FNIP1: variants seen among roughly 807,000 people sequenced by gnomAD.
FNIP1 encodes the protein folliculin-interacting protein 1.
FNIP1 carries 40 observed loss-of-function variants against 124.5 expected under a neutral mutation model. The observed-to-expected ratio is 0.32, with a 90% CI of 0.25 to 0.42. The LOEUF (loss-of-function observed/expected upper bound fraction) is 0.42, where lower values mean the gene tolerates loss of function less well. FNIP1 is among the 10% of genes least tolerant of loss of function. FNIP1 has a pLI of 1.00. For synonymous variants in FNIP1, 472 were observed against 470.6 expected (o/e 1.00, Z -0.04); for missense variants, 1,176 against 1,403.7 (o/e 0.84, Z 2.59).
At position 131,649,965 on chromosome 5, in the gene FNIP1, T is replaced by G. The variant is rs560313683; in HGVS notation, c.3306+1837A>C. 1.1e-4 allele frequency among the ~76,000 whole-genome samples: 17 copies of G among 152,342 alleles called. No homozygotes were observed. In the South Asian group the frequency reaches 3.5e-3, roughly 32 times the overall value. ...GTTAACTTTTAGGATCTCCATTCTA[T>G]TCCATTGGTCTATATACCTGTCCTT... On this transcript the variant is annotated intron_variant, in intron 16 of 17. Transcript: ENST00000510461.
chr5:131,683,749 T>A (rs1405603983), intron 11 of FNIP1, among the ~76,000 whole-genome samples: 3 of 152,182 alleles, frequency 2.0e-5, no homozygotes, highest in Non-Finnish European at 4.4e-5. Context: ...CCCACAGATA[T>A]AAAGGTCTGA....
At chr5:131,790,470 A>C (rs1772370001) in intron 1 of FNIP1, among the ~76,000 whole-genome samples, 1 of 86,462 alleles carries the variant, frequency 1.2e-5, no homozygotes, top group African/African-American at 4.6e-5. Flanking sequence ...TAGAGCAAGA[A>C]CCTGTCTCAA....
At chr5:131,749,723 G>A (rs1018599887) in intron 1 of FNIP1, among the ~76,000 whole-genome samples, 1 of 151,906 alleles carries the variant, frequency 6.6e-6, no homozygotes, top group African/African-American at 2.4e-5. Flanking sequence ...TATTTTTGCT[G>A]TACCTTTTCT....
intron 1 of FNIP1, among the ~76,000 whole-genome samples, chr5:131,770,725 A>G (rs1042167398): frequency 2.0e-5 from 3 of 152,196 alleles, no homozygotes; most frequent in Admixed American, 6.5e-5. Flanking sequence ...GACTACCTCT[A>G]AGATTGGTAT....
At chr5:131,659,199 G>T (rs995579689) in intron 15 of FNIP1, among the ~76,000 whole-genome samples, 1 of 152,134 alleles carries the variant, frequency 6.6e-6, no homozygotes, top group Non-Finnish European at 1.5e-5. Context: ...GCAATGCCAG[G>T]GTACATGTTG....
chr5:131,735,508 A>G (rs1770263906), intron 2 of FNIP1, among the ~76,000 whole-genome samples: 1 of 148,416 alleles, frequency 6.7e-6, no homozygotes, highest in South Asian at 2.1e-4. Flanking sequence ...TAAAATATGT[A>G]TATATACGTA....
At chr5:131,735,750 C>T (rs1047839351) in intron 2 of FNIP1, among the ~76,000 whole-genome samples, 4 of 150,884 alleles carry the variant, frequency 2.7e-5, no homozygotes, top group African/African-American at 9.7e-5. Context: ...CTCTCTAAAC[C>T]TTAATTTGTT....
At position 131,706,491 on chromosome 5, in the gene FNIP1, G is replaced by C; in HGVS notation, c.834C>G (p.Thr278=). Residue 278 remains threonine (T), a synonymous_variant, in exon 9 of 18, where the codon ACC becomes ACG. Coordinates refer to ENST00000510461, the MANE Select transcript of FNIP1 (RefSeq NM_133372.3). ...GCTGGTAGCTGCTGGCACAACTTCG[G>C]GTAAGTGAGGAGTTTGGGGAAGGAA... ...TPFPSPNSSL[T]RSCASSYQRR... 6.2e-7 allele frequency: 1 copy of C among 1,613,354 alleles called. No individual in the cohort carries two copies. The highest frequency in any genetic ancestry group is 8.5e-7 in the Non-Finnish European group (1 of 1,179,544).
chr5:131,796,872 C>G lies in FNIP1; in HGVS notation c.50G>C (p.Gly17Ala), dbSNP rs765825142. The G allele has an allele frequency of 2.5e-6, 4 of 1,608,144 alleles. No homozygotes were observed. Among genetic ancestry groups the G allele is most frequent in the African/African-American group, 2.7e-5 (2 of 74,824 alleles). The change falls in exon 1 of 18, where the codon GGC becomes GCC. Residue 17 changes from glycine (G) to alanine (A), a missense_variant. Physicochemically the swap from Gly to Ala is moderately conservative, Grantham distance 60 (BLOSUM62 0). Around this residue, in one of 2 missense-constraint regions of FNIP1, gnomAD observed 1,109 missense variants for 1,288.5 expected, o/e 0.86. Transcript: ENST00000510461. ...GTCCCGGGCGTCGCGGCCGGGCGCGCCCAGCCCGGTCCTCTTGCTGAAGAG... is the reference window on the plus strand; with the variant it reads ...GTCCCGGGCGTCGCGGCCGGGCGCGGCCAGCCCGGTCCTCTTGCTGAAGAG... Reference protein sequence around the residue: ...QKLFSKRTGLGAPGRDARDPD... With the variant: ...QKLFSKRTGLAAPGRDARDPD...
At chr5:131,777,909 C>T (rs1205753815) in intron 1 of FNIP1, among the ~76,000 whole-genome samples, 1 of 152,186 alleles carries the variant, frequency 6.6e-6, no homozygotes, top group Non-Finnish European at 1.5e-5. Context: ...TTGAGCATCA[C>T]TGAAATAATA....
intron 11 of FNIP1, among the ~76,000 whole-genome samples, chr5:131,687,063 C>T (rs1580754755): frequency 6.8e-6 from 1 of 146,482 alleles, no homozygotes; most frequent in Admixed American, 6.8e-5. Flanking sequence ...ATTTAAATTC[C>T]AAAGAAAAGT....
chr5:131,685,713 C>G (rs1245422413), intron 11 of FNIP1, among the ~76,000 whole-genome samples: 1 of 151,866 alleles, frequency 6.6e-6, no homozygotes, highest in Non-Finnish European at 1.5e-5. Context: ...CTCAGCCTAT[C>G]AAAGTGCTGG....
intron 1 of FNIP1, among the ~76,000 whole-genome samples, chr5:131,786,708 G>C (rs145316771): frequency 1.3e-5 from 2 of 152,266 alleles, no homozygotes; most frequent in African/African-American, 4.8e-5. Flanking sequence ...ATTATCTCGA[G>C]AGTGGGTTTG....
At chr5:131,688,018 T>G (rs1164608704) in intron 11 of FNIP1, among the ~76,000 whole-genome samples, 8 of 152,108 alleles carry the variant, frequency 5.3e-5, no homozygotes, top group African/African-American at 1.7e-4. Context: ...CCTTCCTCGC[T>G]GGCCTCTGGA....
chr5:131,678,134 C>G (rs1300657362), intron 12 of FNIP1, among the ~76,000 whole-genome samples: 2 of 152,132 alleles, frequency 1.3e-5, no homozygotes, highest in African/African-American at 4.8e-5. Flanking sequence ...AAGTACAAAA[C>G]AGAAATGCCA....
chr5:131,706,713 G>A (rs1474130787), intron 8 of FNIP1, among the ~76,000 whole-genome samples, 167 bp from the exon 9 acceptor site: 1 of 152,156 alleles, frequency 6.6e-6, no homozygotes, highest in East Asian at 1.9e-4. Context: ...GGTCTCAGAG[G>A]AGAAAAATCA....
intron 2 of FNIP1, among the ~76,000 whole-genome samples, chr5:131,731,802 T>A (rs773275376): frequency 2.0e-5 from 3 of 152,186 alleles, no homozygotes; most frequent in African/African-American, 7.2e-5. Flanking sequence ...TACTTATTCA[T>A]TCATTTAAAT....
At chr5:131,755,395 C>T (rs1448635771) in intron 1 of FNIP1, among the ~76,000 whole-genome samples, 1 of 145,872 alleles carries the variant, frequency 6.9e-6, no homozygotes, top group Non-Finnish European at 1.5e-5. Context: ...CACTCCAGAC[C>T]AGGTGACAGA....
chr5:131,768,800 A>G lies in FNIP1; in HGVS notation c.93-24110T>C, dbSNP rs74602977. Among the ~76,000 whole-genome samples, 108 of 152,342 alleles carry G rather than the reference A, an allele frequency of 7.1e-4. 3 individuals carry two copies. The East Asian group carries it at 0.019, about 27-fold the overall frequency. The stretch of plus-strand genomic sequence containing the variant: ...GGCGAGAGAGCAAGACTTCGTCTCA[A>G]AAACTAATAATAAAATAAAATAAAA... On this transcript the variant is annotated intron_variant, in intron 1 of 17. Transcript: ENST00000510461.
Sources: gnomAD v4.1 joint callset for allele counts (sites outside exome capture counted in the v4.1 genomes callset) on GRCh38, gnomAD v4.1.1 for gene constraint, gnomAD v4.1.1 regional missense constraint, MANE v1.5 for transcripts, NCBI Gene and HGNC (gene_info 2026-07-23, HGNC 2026-07-21) for gene names.